Variants in JAKMIP2 observed in about 807,000 individuals in gnomAD.
The protein encoded by JAKMIP2 is janus kinase and microtubule-interacting protein 2.
A neutral mutation model predicts 115.0 loss-of-function variants in JAKMIP2; 25 were observed. The observed-to-expected ratio is 0.22, with a 90% CI of 0.16 to 0.30. JAKMIP2 has a LOEUF of 0.30. Ranked by LOEUF, JAKMIP2 falls within the 10% of genes least tolerant of loss-of-function variation. The pLI, the probability that JAKMIP2 is intolerant of heterozygous loss-of-function variation, is 1.00. For missense variants in JAKMIP2, 642 were observed against 957.6 expected (o/e 0.67, Z 4.35); for synonymous variants, 334 against 343.6 (o/e 0.97, Z 0.31).
intron 10 of JAKMIP2, among the ~76,000 whole-genome samples, chr5:147,638,193 T>C (rs1757713642): frequency 6.6e-6 from 1 of 152,186 alleles, no homozygotes; most frequent in Non-Finnish European, 1.5e-5. Flanking sequence ...TTAAATTTAC[T>C]CTGTTGTTCT....
intron 1 of JAKMIP2, among the ~76,000 whole-genome samples, chr5:147,752,349 C>T (rs1235217784): frequency 6.6e-6 from 1 of 152,094 alleles, no homozygotes; most frequent in African/African-American, 2.4e-5. Flanking sequence ...GAAATCATTG[C>T]AGGGGTTAGA....
intron 14 of JAKMIP2, among the ~76,000 whole-genome samples, chr5:147,631,056 G>A (rs1010875838): frequency 1.3e-5 from 2 of 152,078 alleles, no homozygotes; most frequent in African/African-American, 4.8e-5. Flanking sequence ...TCAACAAAGG[G>A]ACTCAAACTT....
intron 1 of JAKMIP2, among the ~76,000 whole-genome samples, chr5:147,716,618 T>TGCAGCATGCAGCTGCA (rs1753011232): frequency 6.6e-6 from 1 of 151,604 alleles, no homozygotes; most frequent in African/African-American, 2.4e-5. Context: ...TTTTTTCATG[T>TGCAGCATGCAGCTGCA]GTTTTTTGGC....
chr5:147,674,585 A>C (rs1395378640), intron 1 of JAKMIP2, among the ~76,000 whole-genome samples: 1 of 152,202 alleles, frequency 6.6e-6, no homozygotes, highest in Non-Finnish European at 1.5e-5. Flanking sequence ...TACAGGCATG[A>C]GGAAACATGG....
intron 1 of JAKMIP2, among the ~76,000 whole-genome samples, chr5:147,728,435 G>A (rs1753601884): frequency 6.6e-6 from 1 of 152,120 alleles, no homozygotes; most frequent in South Asian, 2.1e-4. Flanking sequence ...TTAATTTTGG[G>A]AGATCTGTTT....
In JAKMIP2 at chr5:147,612,267, T is replaced by A. The variant is rs760698173; in HGVS notation, c.2412+39A>T. The A allele has an allele frequency of 3.9e-6, 5 of 1,297,948 alleles. No individual in the cohort carries two copies. In the East Asian group the frequency reaches 1.2e-4, roughly 30 times the overall value. 80.4% of individuals were successfully genotyped at this position (1,297,948 alleles called of 1,614,324 possible). On this transcript the variant is annotated intron_variant, in intron 20 of 21. Coordinates refer to ENST00000616793, the MANE Select transcript of JAKMIP2 (RefSeq NM_001270941.2). ...AGCAAAATCAATATTGCTTTCTGAT[T>A]AAACAAATAATAAGATAGTTATTGA...
chr5:147,615,313 A>T (rs1756515216), intron 19 of JAKMIP2, among the ~76,000 whole-genome samples: 1 of 152,186 alleles, frequency 6.6e-6, no homozygotes, highest in African/African-American at 2.4e-5. Flanking sequence ...GGACTGGAAA[A>T]ATGAGAACAC....
chr5:147,747,483 A>G (rs368222788), intron 1 of JAKMIP2, among the ~76,000 whole-genome samples: 2 of 152,136 alleles, frequency 1.3e-5, no homozygotes, highest in Non-Finnish European at 2.9e-5. Context: ...AGCTAAATAG[A>G]AAGAAGCTGA....
At position 147,631,503 on chromosome 5, in the gene JAKMIP2, C is replaced by G; in HGVS notation, c.1785G>C (p.Glu595Asp). The G allele has an allele frequency of 6.2e-7, 1 of 1,602,752 alleles. No homozygotes were observed. Among genetic ancestry groups the G allele is most frequent in the South Asian group, 1.1e-5 (1 of 90,730 alleles). ...GGAGATTAAATGGAGGGGATCGTCTCTCTCTCTCCTTGAAACACAGTGAAG... is the reference window on the plus strand; with the variant it reads ...GGAGATTAAATGGAGGGGATCGTCTGTCTCTCTCCTTGAAACACAGTGAAG... ...EFRNLELEER[E>D]RRSPPFNLQI... The change falls in exon 14 of 22, where the codon GAG becomes GAC. Residue 595 changes from glutamate to aspartate, a missense_variant. Coordinates refer to ENST00000616793, the MANE Select transcript of JAKMIP2 (RefSeq NM_001270941.2).
At chr5:147,705,582 C>G (rs1328754142) in intron 1 of JAKMIP2, among the ~76,000 whole-genome samples, 1 of 151,882 alleles carries the variant, frequency 6.6e-6, no homozygotes, top group Non-Finnish European at 1.5e-5. Flanking sequence ...AAAAAAAAGT[C>G]TGAGGTCCTG....
At chr5:147,645,019 T>C in intron 5 of JAKMIP2, 23 bp from the exon 6 acceptor site, 1 of 1,610,848 alleles carries the variant, frequency 6.2e-7, no homozygotes, top group Non-Finnish European at 8.5e-7. Flanking sequence ...AAGTGAAGAT[T>C]TGTGTCTTGC....
chr5:147,617,886 G>T (rs189163367), intron 19 of JAKMIP2, 25 bp downstream of exon 19: 4 of 1,597,726 alleles, frequency 2.5e-6, no homozygotes, highest in Non-Finnish European at 2.6e-6. Flanking sequence ...CTAACCCTAC[G>T]CAGAGGCAGT....
At chr5:147,776,255 C>T (rs1157401558) in intron 1 of JAKMIP2, among the ~76,000 whole-genome samples, 5 of 152,124 alleles carry the variant, frequency 3.3e-5, no homozygotes, top group Admixed American at 1.3e-4. Flanking sequence ...CCCCACATGT[C>T]GTGGGAGGGA....
chr5:147,627,063 G>C (rs114799706), intron 16 of JAKMIP2, among the ~76,000 whole-genome samples: 219 of 152,272 alleles, frequency 1.4e-3, no homozygotes, highest in African/African-American at 5.0e-3. Context: ...TGCTGGACTA[G>C]TGTGAAAAGC....
chr5:147,602,523 T>C (rs1253016693), intron 20 of JAKMIP2, among the ~76,000 whole-genome samples: 12 of 152,334 alleles, frequency 7.9e-5, no homozygotes, highest in Admixed American at 4.6e-4. Flanking sequence ...ACCTCCAAGA[T>C]AGACTTCTTC....
At chr5:147,624,467 T>C (rs1446979695) in intron 16 of JAKMIP2, among the ~76,000 whole-genome samples, 8 of 152,222 alleles carry the variant, frequency 5.3e-5, no homozygotes, top group Non-Finnish European at 4.4e-5. Context: ...CCAGGTACAC[T>C]GGAGAATTGG....
intron 2 of JAKMIP2, 75 bp from the exon 3 acceptor site, chr5:147,661,520 G>C: frequency 6.9e-7 from 1 of 1,442,180 alleles, no homozygotes; most frequent in Non-Finnish European, 9.3e-7. Flanking sequence ...AGGATTTGCA[G>C]CTCAGGCCGC....
chr5:147,749,276 A>G (rs1173221201), intron 1 of JAKMIP2, among the ~76,000 whole-genome samples: 1 of 152,194 alleles, frequency 6.6e-6, no homozygotes, highest in Non-Finnish European at 1.5e-5. Context: ...AATATTTACT[A>G]TGTGCCAGGC....
At position 147,675,783 on chromosome 5, in the gene JAKMIP2, A is replaced by ATT. The variant is rs1245892919; in HGVS notation, c.-148-3831_-148-3830dup. 5.2e-3 allele frequency among the ~76,000 whole-genome samples: 514 copies of ATT among 99,092 alleles called. 3 individuals are homozygous for ATT. The highest frequency in any genetic ancestry group is 8.1e-3 in the Non-Finnish European group (397 of 49,282). 65.0% of individuals were successfully genotyped at this position (99,092 alleles called of 152,430 possible). Reference sequence around the variant, plus strand: ...TTTTGTATAAGTGGAATCATATGACATTTTTTTTTTTTTTTTTTTTTTGTG... The same window carrying ATT: ...TTTTGTATAAGTGGAATCATATGACATTTTTTTTTTTTTTTTTTTTTTTTGTG... On this transcript the variant is annotated intron_variant, in intron 1 of 21. Transcript: ENST00000616793.
Sources: gnomAD v4.1 joint callset for allele counts (sites outside exome capture counted in the v4.1 genomes callset) on GRCh38, gnomAD v4.1.1 for gene constraint, MANE v1.5 for transcripts, NCBI Gene and HGNC (gene_info 2026-07-23, HGNC 2026-07-21) for gene names.